SPATS2L: variants seen among roughly 807,000 people sequenced by gnomAD.
SPATS2L encodes spermatogenesis associated serine rich 2 like, also known as SPATS2-like protein.
A neutral mutation model predicts 59.6 loss-of-function variants in SPATS2L; 30 were observed. The observed-to-expected ratio is 0.50, with a 90% confidence interval of 0.38 to 0.68. SPATS2L has a LOEUF of 0.68. Among genes scored for constraint, SPATS2L ranks in the 30% least tolerant of loss-of-function variants. The pLI, the probability that SPATS2L is intolerant of heterozygous loss-of-function variation, is 0.00. For missense variants in SPATS2L, 615 were observed against 700.0 expected (o/e 0.88, Z 1.37); for synonymous variants, 252 against 263.5 (o/e 0.96, Z 0.42).
intron 2 of SPATS2L, among the ~76,000 whole-genome samples, chr2:200,386,787 A>G (rs1031155457): frequency 2.1e-4 from 32 of 152,198 alleles, no homozygotes; most frequent in African/African-American, 7.7e-4. Flanking sequence ...GTCACCATTC[A>G]GTTCTTCATA....
intron 8 of SPATS2L, among the ~76,000 whole-genome samples, chr2:200,441,128 A>G (rs1294390488): frequency 6.6e-6 from 1 of 152,206 alleles, no homozygotes; most frequent in African/African-American, 2.4e-5. Flanking sequence ...TACTAGGAAA[A>G]CAAAATATTT....
chr2:200,410,412 C>CA (rs11367443), intron 3 of SPATS2L, among the ~76,000 whole-genome samples: 6 of 151,774 alleles, frequency 4.0e-5, no homozygotes, highest in African/African-American at 1.5e-4. Flanking sequence ...AACAAAACAA[C>CA]AAAAAAAAAC....
chr2:200,469,674 A>C (rs1048551927), intron 10 of SPATS2L: 2 of 460,022 alleles, frequency 4.3e-6, no homozygotes, highest in Non-Finnish European at 7.7e-6. Flanking sequence ...CACACATTTC[A>C]TGTAGGCCCA....
chr2:200,370,174 G>T (rs1418683940), intron 2 of SPATS2L, among the ~76,000 whole-genome samples: 1 of 152,154 alleles, frequency 6.6e-6, no homozygotes, highest in East Asian at 1.9e-4. Context: ...GACAAAAAGA[G>T]AAAACATAAA....
At chr2:200,406,858 A>T (rs972783061) in intron 3 of SPATS2L, among the ~76,000 whole-genome samples, 1 of 152,220 alleles carries the variant, frequency 6.6e-6, no homozygotes, top group African/African-American at 2.4e-5. Flanking sequence ...AGAGGGGGTA[A>T]AACCATGTTA....
chr2:200,405,720 C>T (rs992615115), intron 3 of SPATS2L, among the ~76,000 whole-genome samples: 1 of 152,162 alleles, frequency 6.6e-6, no homozygotes, highest in Non-Finnish European at 1.5e-5. Flanking sequence ...TTATAAAACT[C>T]CTTTCAAAGT....
intron 2 of SPATS2L, among the ~76,000 whole-genome samples, chr2:200,360,073 CAT>C (rs564797570): frequency 3.5e-4 from 53 of 152,260 alleles, no homozygotes; most frequent in Non-Finnish European, 5.9e-4. Flanking sequence ...TACAGAAGCA[CAT>C]GTTTAACCTT....
Position 200,479,987 on chromosome 2 carries a change from AC to A in SPATS2L, c.*1960del. 1 of 371,212 alleles carries A rather than the reference AC, an allele frequency of 2.7e-6. No homozygotes were observed. The highest frequency in any genetic ancestry group is 4.8e-6 in the Non-Finnish European group (1 of 209,570). The allele number at this position is 371,212 out of a possible 1,614,324, so 23.0% of individuals were successfully genotyped here. The stretch of plus-strand genomic sequence containing the variant: ...ATGTTCGGCACTGTAGGCCCTGTTT[AC>A]CCCATCTGAGGCCCTGAATTCATAT... On this transcript the variant is annotated 3_prime_UTR_variant, in exon 13 of 13. Coordinates refer to ENST00000409140, the MANE Select transcript of SPATS2L (RefSeq NM_001100423.2).
intron 3 of SPATS2L, among the ~76,000 whole-genome samples, chr2:200,412,021 G>A (rs184807027): frequency 1.3e-5 from 2 of 152,226 alleles, no homozygotes; most frequent in South Asian, 4.1e-4. Context: ...CTGTAGTCTT[G>A]GGGGAGGGTA....
chr2:200,361,313 TTGAC>T (rs1199924639), intron 2 of SPATS2L, among the ~76,000 whole-genome samples: 1 of 151,864 alleles, frequency 6.6e-6, no homozygotes, highest in Non-Finnish European at 1.5e-5. Context: ...AGAAGGGAAA[TTGAC>T]TGGGGGGAGA....
At chr2:200,347,972 G>A (rs1427813857) in intron 2 of SPATS2L, among the ~76,000 whole-genome samples, 1 of 152,050 alleles carries the variant, frequency 6.6e-6, no homozygotes, top group Non-Finnish European at 1.5e-5. Context: ...CCCATATATG[G>A]CCTGCTAAAA....
intron 12 of SPATS2L, among the ~76,000 whole-genome samples, chr2:200,474,585 G>A (rs1438011390): frequency 6.6e-6 from 1 of 152,132 alleles, no homozygotes; most frequent in Non-Finnish European, 1.5e-5. Context: ...TTACAGGCAT[G>A]AGCCACCATG....
intron 4 of SPATS2L, among the ~76,000 whole-genome samples, chr2:200,413,239 A>G (rs552998466): frequency 4.0e-4 from 61 of 152,280 alleles, no homozygotes; most frequent in African/African-American, 1.4e-3. Flanking sequence ...TTATTCTTTA[A>G]TATCTTTAGT....
At chr2:200,438,370 G>T (rs1331295929) in intron 6 of SPATS2L, among the ~76,000 whole-genome samples, 1 of 152,178 alleles carries the variant, frequency 6.6e-6, no homozygotes, top group East Asian at 1.9e-4. Context: ...TTCTCTGGTA[G>T]TAAGATGTTA....
intron 1 of SPATS2L, among the ~76,000 whole-genome samples, chr2:200,314,875 A>G (rs989725345): frequency 2.6e-5 from 4 of 152,256 alleles, no homozygotes; most frequent in African/African-American, 9.6e-5. Context: ...AAATTGTAAT[A>G]TTGGTTACAT....
In SPATS2L at chr2:200,345,430, T is replaced by TACAAAACATA. The variant is rs1217615168; in HGVS notation, c.-23+15950_-23+15951insACAAAACATA. Reference sequence around the variant, plus strand: ...TTGGCTGTATTTGTTTGTAAACATATTTCAGCTGAACATGTGTGCTGTGAT... The same window carrying TACAAAACATA: ...TTGGCTGTATTTGTTTGTAAACATATACAAAACATATTCAGCTGAACATGTGTGCTGTGAT... On this transcript the variant is annotated intron_variant, in intron 2 of 12. Coordinates refer to ENST00000409140, the MANE Select transcript of SPATS2L (RefSeq NM_001100423.2). 1.1e-3 allele frequency among the ~76,000 whole-genome samples: 171 copies of TACAAAACATA among 152,354 alleles called. 1 individual carries two copies. Among genetic ancestry groups the TACAAAACATA allele is most frequent in the Admixed American group, 2.0e-3 (31 of 15,302 alleles).
At chr2:200,363,993 G>A (rs1282189480) in intron 2 of SPATS2L, among the ~76,000 whole-genome samples, 1 of 152,158 alleles carries the variant, frequency 6.6e-6, no homozygotes, top group East Asian at 1.9e-4. Flanking sequence ...ATTGATTCTT[G>A]GAGAGTGAAA....
chr2:200,311,148 T>C (rs1193434646), intron 1 of SPATS2L, among the ~76,000 whole-genome samples: 4 of 152,230 alleles, frequency 2.6e-5, no homozygotes, highest in South Asian at 2.1e-4. Context: ...CTGCTCACCA[T>C]TGGGTCCTCA....
chr2:200,308,906 C>A, intron 1 of SPATS2L: 2 of 615,294 alleles, frequency 3.3e-6, no homozygotes, highest in Non-Finnish European at 5.9e-6. Flanking sequence ...TAATGAAAGT[C>A]TTCAGTAAAT....
Sources: allele counts gnomAD v4.1 joint callset (sites outside exome capture counted in the v4.1 genomes callset), GRCh38; gene constraint gnomAD v4.1.1; transcripts MANE v1.5; gene names NCBI Gene and HGNC (gene_info 2026-07-23, HGNC 2026-07-21).